Variants in GALNT2 observed in about 807,000 individuals in gnomAD.
GALNT2 encodes polypeptide N-acetylgalactosaminyltransferase 2.
GALNT2 carries 31 observed loss-of-function variants against 81.4 expected under a neutral mutation model. That is an observed-to-expected ratio of 0.38 (90% CI 0.29 to 0.51). The LOEUF (loss-of-function observed/expected upper bound fraction) is 0.51, where lower values mean the gene tolerates loss of function less well. Ranked by LOEUF, GALNT2 falls within the 20% of genes least tolerant of loss-of-function variation. The pLI is 0.87. For synonymous variants in GALNT2, 303 were observed against 287.4 expected (o/e 1.05, Z -0.55); for missense variants, 629 against 765.7 (o/e 0.82, Z 2.11).
chr1:230,138,392 G>A (rs1210640307), intron 1 of GALNT2, among the ~76,000 whole-genome samples: 1 of 152,090 alleles, frequency 6.6e-6, no homozygotes, highest in East Asian at 1.9e-4. Flanking sequence ...AGGCATGGTG[G>A]TGCGTGCCTG....
upstream of GALNT2, among the ~76,000 whole-genome samples, chr1:230,065,316 T>G (rs1308517192): frequency 6.6e-6 from 1 of 152,214 alleles, no homozygotes; most frequent in Non-Finnish European, 1.5e-5. Context: ...TCTGGGATAG[T>G]TTTTGTCATT....
At chr1:230,099,305 A>G (rs993955842) in intron 1 of GALNT2, among the ~76,000 whole-genome samples, 7 of 152,152 alleles carry the variant, frequency 4.6e-5, no homozygotes, top group Admixed American at 2.0e-4. Context: ...TATGATTGCA[A>G]TTCCAGAGTT....
chr1:230,180,296 C>CTTTTT (rs56786141), intron 2 of GALNT2, among the ~76,000 whole-genome samples: 3 of 70,606 alleles, frequency 4.2e-5, no homozygotes, highest in African/African-American at 6.1e-5. Context: ...TGTCTAGGTT[C>CTTTTT]TTTTTTTTTT....
At chr1:230,129,673 T>C (rs1661306197) in intron 1 of GALNT2, among the ~76,000 whole-genome samples, 2 of 152,214 alleles carry the variant, frequency 1.3e-5, no homozygotes, top group Non-Finnish European at 2.9e-5. Flanking sequence ...CCTTACTTTT[T>C]TTCCCCCCAA....
chr1:230,199,605 A>G (rs935405990), intron 2 of GALNT2, among the ~76,000 whole-genome samples: 4 of 152,170 alleles, frequency 2.6e-5, no homozygotes, highest in African/African-American at 9.7e-5. Flanking sequence ...TCACAGTGTT[A>G]AAAGTGTGTC....
intron 2 of GALNT2, among the ~76,000 whole-genome samples, chr1:230,186,083 G>A (rs1663326129): frequency 1.3e-5 from 2 of 152,198 alleles, no homozygotes; most frequent in Non-Finnish European, 1.5e-5. Flanking sequence ...CTGTTAGGAC[G>A]GAATAACGAC....
chr1:230,075,121 C>CTTTTTTTTTTTTTTTTT (rs34482749), intron 1 of GALNT2, among the ~76,000 whole-genome samples: 1 of 92,554 alleles, frequency 1.1e-5, no homozygotes, highest in Non-Finnish European at 1.9e-5. Flanking sequence ...GTCTGTTTTG[C>CTTTTTTTTTTTTTTTTT]TTTTTTTTTT....
intron 1 of GALNT2, among the ~76,000 whole-genome samples, chr1:230,137,716 A>G (rs923011831): frequency 1.3e-5 from 2 of 152,214 alleles, no homozygotes; most frequent in African/African-American, 4.8e-5. Flanking sequence ...GTCCAGCTCT[A>G]GATTGCAACC....
chr1:230,061,897 C>T (rs1330468224), intron 1 of GALNT2, among the ~76,000 whole-genome samples: 2 of 152,216 alleles, frequency 1.3e-5, no homozygotes, highest in African/African-American at 2.4e-5. Context: ...AGCTATAACA[C>T]TTACATGTAT....
chr1:230,244,464 C>T (rs911664787), intron 7 of GALNT2, among the ~76,000 whole-genome samples: 22 of 151,816 alleles, frequency 1.4e-4, no homozygotes, highest in African/African-American at 5.1e-4. Flanking sequence ...AGAACCCACC[C>T]TGGAATCCCC....
chr1:230,218,830 C>T (rs1412376401), intron 3 of GALNT2, among the ~76,000 whole-genome samples: 1 of 152,220 alleles, frequency 6.6e-6, no homozygotes, highest in Non-Finnish European at 1.5e-5. Context: ...CCAGTGGTGA[C>T]ACATGGCCTG....
At chr1:230,064,001 T>C (rs1009729723), upstream of GALNT2, among the ~76,000 whole-genome samples, 9 of 152,236 alleles carry the variant, frequency 5.9e-5, no homozygotes, top group African/African-American at 2.2e-4. Context: ...TTTCATTATT[T>C]GGTATGTATT....
At chr1:230,223,446 CTT>C (rs1471650392) in intron 3 of GALNT2, among the ~76,000 whole-genome samples, 22 of 150,316 alleles carry the variant, frequency 1.5e-4, no homozygotes, top group African/African-American at 5.5e-4. Flanking sequence ...TTAATAGACT[CTT>C]AGCCATTTTT....
chr1:230,087,802 T>C (rs1659943697), intron 1 of GALNT2, among the ~76,000 whole-genome samples: 1 of 152,210 alleles, frequency 6.6e-6, no homozygotes, highest in African/African-American at 2.4e-5. Context: ...TTTGGAATAC[T>C]TGGGTGTTTG....
intron 14 of GALNT2, among the ~76,000 whole-genome samples, chr1:230,272,679 G>C (rs1666186907): frequency 6.6e-6 from 1 of 152,158 alleles, no homozygotes; most frequent in Admixed American, 6.5e-5. Context: ...TGCTGATGCT[G>C]AGAGCTGGAG....
At chr1:230,141,790 T>C (rs1661745799) in intron 1 of GALNT2, among the ~76,000 whole-genome samples, 1 of 79,398 alleles carries the variant, frequency 1.3e-5, no homozygotes, top group Non-Finnish European at 2.5e-5. Context: ...TTGTTTTCCT[T>C]TTTTTTTTTT....
intron 2 of GALNT2, among the ~76,000 whole-genome samples, chr1:230,202,377 T>G (rs764826683): frequency 6.6e-6 from 1 of 152,230 alleles, no homozygotes; most frequent in East Asian, 1.9e-4. Flanking sequence ...ACACTGCCTC[T>G]GCCCTAGGGT....
At chr1:230,241,318 T>C (rs1351854051) in intron 6 of GALNT2, among the ~76,000 whole-genome samples, 1 of 152,232 alleles carries the variant, frequency 6.6e-6, no homozygotes, top group East Asian at 1.9e-4. Context: ...AACACTGGAT[T>C]ATGTTATCTT....
Position 230,280,144 on chromosome 1 carries a change from G to T in GALNT2, c.*686G>T. ...CATCTTGTATATTCCCCACAAAGCC[G>T]TTCGCAGCTTCCGGGAGAAGGGGCC... On this transcript the variant is annotated 3_prime_UTR_variant, in exon 16 of 16. Coordinates refer to ENST00000366672, the MANE Select transcript of GALNT2 (RefSeq NM_004481.5). The T allele has an allele frequency of 2.6e-6, 1 of 384,396 alleles. No homozygotes were observed. Among genetic ancestry groups the T allele is most frequent in the Admixed American group, 2.9e-5 (1 of 34,948 alleles). 23.8% of individuals were successfully genotyped at this position (384,396 alleles called of 1,614,324 possible).
Sources: gnomAD v4.1 joint callset for allele counts (sites outside exome capture counted in the v4.1 genomes callset) on GRCh38, gnomAD v4.1.1 for gene constraint, MANE v1.5 for transcripts, NCBI Gene and HGNC (gene_info 2026-07-23, HGNC 2026-07-21) for gene names.